HSP90B1: variants seen among roughly 807,000 people sequenced by gnomAD.
HSP90B1 encodes heat shock protein 90 beta family member 1.
HSP90B1 carries 27 observed loss-of-function variants against 100.4 expected under a neutral mutation model. The ratio of observed to expected loss-of-function variants is 0.27; its 90% CI spans 0.20 to 0.37. The LOEUF (loss-of-function observed/expected upper bound fraction) is 0.37. Ranked by LOEUF, HSP90B1 falls within the 10% of genes least tolerant of loss-of-function variation. HSP90B1 has a pLI of 1.00. For missense variants in HSP90B1, 678 were observed against 960.5 expected (o/e 0.71, Z 3.89); for synonymous variants, 304 against 330.8 (o/e 0.92, Z 0.88).
rs1358178934 is a variant in HSP90B1, at chr12:103,941,442, T to C, written c.1125T>C (p.Phe375=). Residue 375 remains phenylalanine, a synonymous_variant, in exon 9 of 18, where the codon TTT becomes TTC. Coordinates refer to ENST00000299767, the MANE Select transcript of HSP90B1 (RefSeq NM_003299.3). The part of the protein sequence containing the change: ...ESDDPMAYIH[F]TAEGEVTFKS... ...ATGACCCCATGGCTTATATTCACTTTACTGCTGAAGGGGAAGTTACCTTCA... is the reference window on the plus strand; with the variant it reads ...ATGACCCCATGGCTTATATTCACTTCACTGCTGAAGGGGAAGTTACCTTCA... 4 of 1,612,942 alleles carry C rather than the reference T, an allele frequency of 2.5e-6. No homozygotes were observed. Among genetic ancestry groups the C allele is most frequent in the Admixed American group, 1.7e-5 (1 of 60,026 alleles).
rs750601393 is a variant in HSP90B1, at chr12:103,934,147, C to T, written c.603C>T (p.Ser201=). 53 of 1,614,060 alleles carry T rather than the reference C, an allele frequency of 3.3e-5. No homozygotes were observed. The highest frequency in any genetic ancestry group is 3.3e-4 in the Middle Eastern group (2 of 6,084). ...LIGQFGVGFY[S]AFLVADKVIV... ...GCCAGTTTGGTGTCGGTTTCTATTC[C>T]GCCTTCCTTGTAGCAGATAAGGTTA... is the stretch of plus-strand genomic sequence containing the variant. The change falls in exon 5 of 18, where the codon TCC becomes TCT. Residue 201 remains serine, a synonymous_variant. Coordinates refer to ENST00000299767, the MANE Select transcript of HSP90B1 (RefSeq NM_003299.3).
Position 103,943,350 on chromosome 12 carries a change from T to C in HSP90B1, c.1890+31T>C, listed in dbSNP as rs1466839356. ...GTGGAAATTACAAATTGTGGAAATA[T>C]TAGTATCAGCATTTAAGAGAAAGTT... On this transcript the variant is annotated intron_variant, in intron 13 of 17. Transcript: ENST00000299767. The surrounding 1 kb of genome is among the most constrained non-coding windows in gnomAD (Gnocchi z 5.3). 6 of 1,601,666 alleles carry C rather than the reference T, an allele frequency of 3.7e-6. No individual in the cohort carries two copies. The highest frequency in any genetic ancestry group is 3.3e-4 in the Middle Eastern group (2 of 6,024).
chr12:103,946,562 G>A (rs1237111490), intron 14 of HSP90B1, 56 bp from the exon 15 acceptor site: 10 of 1,264,982 alleles, frequency 7.9e-6, no homozygotes, highest in Admixed American at 3.4e-5. Flanking sequence ...TAAGGGAAAC[G>A]TATGAACCCT....
In HSP90B1 at chr12:103,943,683, C is replaced by A; in HGVS notation, c.1891-55C>A. Reference sequence around the variant, plus strand: ...GTCTTAGACAGTTGAAAGACAATTGCTCAATGACCTTACCTGTTGATATTA... The same window carrying A: ...GTCTTAGACAGTTGAAAGACAATTGATCAATGACCTTACCTGTTGATATTA... On this transcript the variant is annotated intron_variant, in intron 13 of 17. Coordinates refer to ENST00000299767, the MANE Select transcript of HSP90B1 (RefSeq NM_003299.3). The surrounding 1 kb of genome is among the most constrained non-coding windows in gnomAD (Gnocchi z 5.3). 6.5e-7 allele frequency: 1 copy of A among 1,529,400 alleles called. No homozygotes were observed. The highest frequency in any genetic ancestry group is 1.8e-5 in the Admixed American group (1 of 54,142). The allele number at this position is 1,529,400 out of a possible 1,614,324, so 94.7% of individuals were successfully genotyped here.
chr12:103,933,063 G>A, intron 4 of HSP90B1, 121 bp downstream of exon 4: 1 of 621,646 alleles, frequency 1.6e-6, no homozygotes, highest in Non-Finnish European at 2.9e-6. Flanking sequence ...AAGTCTCAGT[G>A]GCTTGAAAGT....
intron 8 of HSP90B1, among the ~76,000 whole-genome samples, chr12:103,940,356 T>C (rs539189377): frequency 6.6e-6 from 1 of 152,178 alleles, no homozygotes; most frequent in South Asian, 2.1e-4. Context: ...TCTTCTTCTT[T>C]TATTGATCCC....
At chr12:103,946,385 G>A (rs1870231172) in intron 14 of HSP90B1, among the ~76,000 whole-genome samples, 1 of 152,010 alleles carries the variant, frequency 6.6e-6, no homozygotes, top group Non-Finnish European at 1.5e-5. Context: ...CCAAGAATAC[G>A]GTATTTTCTA....
chr12:103,937,040 G>A (rs941909437), intron 5 of HSP90B1, among the ~76,000 whole-genome samples: 4 of 152,160 alleles, frequency 2.6e-5, no homozygotes, highest in African/African-American at 7.2e-5. Context: ...GGGCACAGTG[G>A]CTCACACCTG....
chr12:103,932,785 T>TTAA, intron 3 of HSP90B1, 41 bp from the exon 4 acceptor site: 1 of 1,030,944 alleles, frequency 9.7e-7, no homozygotes, highest in South Asian at 1.3e-5. Flanking sequence ...TTAATGCATC[T>TTAA]TGAGGATAGT....
intron 14 of HSP90B1, among the ~76,000 whole-genome samples, chr12:103,944,906 A>G (rs1870185094): frequency 1.3e-5 from 2 of 152,218 alleles, no homozygotes; most frequent in African/African-American, 4.8e-5. Flanking sequence ...CATTGTTGTC[A>G]CAATTCTAAA....
chr12:103,941,070 AT>A lies in HSP90B1; in HGVS notation c.1093-337del, dbSNP rs1295306639. On this transcript the variant is annotated intron_variant, in intron 8 of 17. Coordinates refer to ENST00000299767, the MANE Select transcript of HSP90B1 (RefSeq NM_003299.3). ...CTGAAGTGTTGTATGTAATTTTGTC[AT>A]TTAGGCAGGGTGGTGGTTTTCCTAT... Among the ~76,000 whole-genome samples, 12 of 152,322 alleles carry A rather than the reference AT, an allele frequency of 7.9e-5. No individual in the cohort carries two copies. The East Asian group carries it at 2.1e-3, about 27-fold the overall frequency.
chr12:103,946,982 CTTT>C (rs1593493620), intron 16 of HSP90B1, 41 bp downstream of exon 16: 8 of 1,585,886 alleles, frequency 5.0e-6, no homozygotes, highest in Non-Finnish European at 6.8e-6. Context: ...GGCTGGCTTT[CTTT>C]GTTTCTGTTC....
At position 103,943,911 on chromosome 12, in the gene HSP90B1, C is replaced by T. The variant is rs940097823; in HGVS notation, c.2027+37C>T. 1.3e-6 allele frequency: 2 copies of T among 1,580,008 alleles called. No homozygotes were observed. The highest frequency in any genetic ancestry group is 8.6e-7 in the Non-Finnish European group (1 of 1,163,230). On this transcript the variant is annotated intron_variant, in intron 14 of 17. Coordinates refer to ENST00000299767, the MANE Select transcript of HSP90B1 (RefSeq NM_003299.3). This position sits in a 1 kb window ranked among gnomAD's most constrained non-coding sequence, Gnocchi z 5.3. ...CGGGAAAGTCCCTGCCAGGGCGTTG[C>T]CCCTTACCCAATCTTTGTTTTGGAG...
rs778848706 is a variant in HSP90B1 at position 103,930,917 on chromosome 12, C to A, written c.49+353C>A. On this transcript the variant is annotated intron_variant, in intron 1 of 17. Transcript: ENST00000299767. This position sits in a 1 kb window ranked among gnomAD's most constrained non-coding sequence, Gnocchi z 4.4. ...TTCGGCCACCGCAACCTTCGGCCATCCCAGCTTTCCCGTCCCCTAATTCCC... is the reference window on the plus strand; with the variant it reads ...TTCGGCCACCGCAACCTTCGGCCATACCAGCTTTCCCGTCCCCTAATTCCC... Among the ~76,000 whole-genome samples, 5 of 151,232 alleles carry A rather than the reference C, an allele frequency of 3.3e-5. No homozygotes were observed. The highest frequency in any genetic ancestry group is 5.9e-5 in the Non-Finnish European group (4 of 67,732).
chr12:103,932,446 A>C, intron 3 of HSP90B1, 28 bp downstream of exon 3: 3 of 1,584,050 alleles, frequency 1.9e-6, no homozygotes, highest in South Asian at 1.1e-5. Context: ...AGAATATTTT[A>C]TCTCTGTATG....
chr12:103,932,160 G>T, intron 2 of HSP90B1, 117 bp from the exon 3 acceptor site: 1 of 735,318 alleles, frequency 1.4e-6, no homozygotes, highest in East Asian at 2.7e-5. Flanking sequence ...TTTTATAAAG[G>T]TTTCCATTTT....
chr12:103,947,561 C>G, intron 17 of HSP90B1, 72 bp from the exon 18 acceptor site: 8 of 1,558,202 alleles, frequency 5.1e-6, no homozygotes, highest in Non-Finnish European at 7.0e-6. Context: ...TTATTTCATG[C>G]ACAAACCTGT....
intron 5 of HSP90B1, among the ~76,000 whole-genome samples, chr12:103,934,682 A>T (rs897577687): frequency 2.6e-5 from 4 of 152,104 alleles, no homozygotes; most frequent in African/African-American, 9.7e-5. Flanking sequence ...GCAGTTATGG[A>T]TAGAATGTGA....
At position 103,946,821 on chromosome 12, in the gene HSP90B1, T is replaced by C. The variant is rs1297076596; in HGVS notation, c.2142T>C (p.Ala714=). 5.0e-6 allele frequency: 8 copies of C among 1,614,104 alleles called. No homozygotes were observed. Among genetic ancestry groups the C allele is most frequent in the East Asian group, 2.2e-5 (1 of 44,896 alleles). Residue 714 remains alanine, a synonymous_variant, in exon 16 of 18, where the codon GCT becomes GCC. Coordinates refer to ENST00000299767, the MANE Select transcript of HSP90B1 (RefSeq NM_003299.3). ...DEDDKTVLDL[A]VVLFETATLR... ...ATGATAAAACAGTTTTGGATCTTGC[T>C]GTGGTTTTGTTTGAAACAGCAACGC...
Sources: gnomAD v4.1 joint callset for allele counts (sites outside exome capture counted in the v4.1 genomes callset) on GRCh38, gnomAD v4.1.1 for gene constraint, Gnocchi (gnomAD v3.1) non-coding constraint, MANE v1.5 for transcripts, NCBI Gene and HGNC (gene_info 2026-07-23, HGNC 2026-07-21) for gene names.